Variants in LRRC4C observed in about 807,000 individuals in gnomAD.
The protein encoded by LRRC4C is leucine rich repeat containing 4C.
A neutral mutation model predicts 33.6 loss-of-function variants in LRRC4C; 5 were observed. That is an observed-to-expected ratio of 0.15 (90% CI 0.08 to 0.31). The LOEUF (loss-of-function observed/expected upper bound fraction) is 0.31. LRRC4C is among the 10% of genes least tolerant of loss of function. The pLI, the probability that LRRC4C is intolerant of heterozygous loss-of-function variation, is 1.00. For missense variants in LRRC4C, 560 were observed against 796.7 expected, an observed-to-expected ratio of 0.70 and a Z score of 3.58; for synonymous variants, 329 against 302.0, an observed-to-expected ratio of 1.09 and a Z score of -0.93.
chr11:41,174,178 T>C (rs908383486), intron 1 of LRRC4C, among the ~76,000 whole-genome samples: 3 of 152,112 alleles, frequency 2.0e-5, no homozygotes, highest in Non-Finnish European at 2.9e-5. Flanking sequence ...AGCATCATAA[T>C]TGAACTCATT....
At chr11:40,822,373 T>C (rs1272003306) in intron 2 of LRRC4C, among the ~76,000 whole-genome samples, 1 of 151,618 alleles carries the variant, frequency 6.6e-6, no homozygotes, top group Non-Finnish European at 1.5e-5. Context: ...AGTATTCCAT[T>C]ATATGTATAA....
At chr11:40,183,385 T>C (rs747175635) in intron 5 of LRRC4C, among the ~76,000 whole-genome samples, 1 of 152,194 alleles carries the variant, frequency 6.6e-6, no homozygotes, top group African/African-American at 2.4e-5. Flanking sequence ...AAACGTTTGT[T>C]GTTGTTTTCT....
intron 3 of LRRC4C, among the ~76,000 whole-genome samples, chr11:40,364,581 G>C (rs1262170938): frequency 6.6e-6 from 1 of 152,054 alleles, no homozygotes; most frequent in Admixed American, 6.6e-5. Flanking sequence ...TTAGCAATGA[G>C]ATGGCTTAAA....
chr11:41,333,309 C>T (rs947537422), intron 1 of LRRC4C, among the ~76,000 whole-genome samples: 8 of 152,160 alleles, frequency 5.3e-5, no homozygotes, highest in African/African-American at 1.2e-4. Flanking sequence ...CTTAATCATA[C>T]TGCATACTCA....
chr11:41,318,602 T>C (rs1950863974), intron 1 of LRRC4C, among the ~76,000 whole-genome samples: 1 of 152,242 alleles, frequency 6.6e-6, no homozygotes, highest in Non-Finnish European at 1.5e-5. Context: ...ACTTTTGCTC[T>C]GAGGTGCATA....
intron 2 of LRRC4C, among the ~76,000 whole-genome samples, chr11:40,703,601 T>C (rs1436364379): frequency 6.6e-6 from 1 of 151,986 alleles, no homozygotes; most frequent in Non-Finnish European, 1.5e-5. Flanking sequence ...CTTACACACT[T>C]GGAGAATGAT....
At chr11:40,524,044 G>A (rs1955936090) in intron 3 of LRRC4C, among the ~76,000 whole-genome samples, 1 of 152,138 alleles carries the variant, frequency 6.6e-6, no homozygotes, top group Non-Finnish European at 1.5e-5. Flanking sequence ...AATCTAATGT[G>A]TCTGTTTCTT....
chr11:40,827,384 G>A (rs911118299), intron 2 of LRRC4C, among the ~76,000 whole-genome samples: 3 of 151,784 alleles, frequency 2.0e-5, no homozygotes, highest in Admixed American at 1.3e-4. Context: ...ATACACATTT[G>A]TGAAAATCAT....
At chr11:41,225,898 ACCT>A (rs1399675096) in intron 1 of LRRC4C, among the ~76,000 whole-genome samples, 1 of 151,776 alleles carries the variant, frequency 6.6e-6, no homozygotes, top group Non-Finnish European at 1.5e-5. Context: ...TGGAAGTCAA[ACCT>A]CAGTCCATGC....
chr11:41,214,410 T>C (rs1012209340), intron 1 of LRRC4C, among the ~76,000 whole-genome samples: 1 of 151,470 alleles, frequency 6.6e-6, no homozygotes, highest in African/African-American at 2.4e-5. Context: ...AGAAAAAACG[T>C]ATAACAATGG....
chr11:40,352,812 G>C lies in LRRC4C; in HGVS notation c.-269-33091C>G, dbSNP rs79906581. On this transcript the variant is annotated intron_variant, in intron 3 of 6. Coordinates refer to ENST00000528697, the MANE Select transcript of LRRC4C (RefSeq NM_001258419.2). ...GCTCTTGTTTGCCTGAGAAAATATA[G>C]CTACTTCATATCTGAGGGATATTTT... Among the ~76,000 whole-genome samples, 639 of 152,150 alleles carry C rather than the reference G, an allele frequency of 4.2e-3. 2 individuals carry two copies. The highest frequency in any genetic ancestry group is 0.014 in the African/African-American group (596 of 41,520).
At chr11:41,399,531 G>T (rs1953947825) in intron 1 of LRRC4C, among the ~76,000 whole-genome samples, 1 of 152,064 alleles carries the variant, frequency 6.6e-6, no homozygotes, top group African/African-American at 2.4e-5. Context: ...ATGCCTCAGA[G>T]GTACTGTAGG....
intron 1 of LRRC4C, among the ~76,000 whole-genome samples, chr11:41,312,548 G>A (rs1228557763): frequency 6.6e-6 from 1 of 152,166 alleles, no homozygotes; most frequent in Non-Finnish European, 1.5e-5. Flanking sequence ...CATATGAATT[G>A]ATGAGATTAG....
chr11:41,387,929 T>C (rs1042762692), intron 1 of LRRC4C, among the ~76,000 whole-genome samples: 1 of 151,848 alleles, frequency 6.6e-6, no homozygotes, highest in African/African-American at 2.4e-5. Flanking sequence ...ATTTAGTTCA[T>C]TCTCACAATC....
intron 2 of LRRC4C, among the ~76,000 whole-genome samples, chr11:40,914,023 A>G (rs1224016922): frequency 6.6e-6 from 1 of 152,154 alleles, no homozygotes; most frequent in East Asian, 1.9e-4. Flanking sequence ...CTGATTGACC[A>G]AAAACAGGCT....
At chr11:41,248,979 C>A (rs1234796906) in intron 1 of LRRC4C, among the ~76,000 whole-genome samples, 2 of 151,738 alleles carry the variant, frequency 1.3e-5, no homozygotes, top group Non-Finnish European at 2.9e-5. Context: ...AAAATATACT[C>A]TGAATTTGCC....
At chr11:41,377,022 G>A (rs1363783691) in intron 1 of LRRC4C, among the ~76,000 whole-genome samples, 1 of 152,018 alleles carries the variant, frequency 6.6e-6, no homozygotes, top group African/African-American at 2.4e-5. Flanking sequence ...TCTGAAGTCT[G>A]AACTAAATAT....
At chr11:40,618,346 A>C (rs1416299623) in intron 3 of LRRC4C, among the ~76,000 whole-genome samples, 1 of 151,634 alleles carries the variant, frequency 6.6e-6, no homozygotes, top group East Asian at 1.9e-4. Context: ...GATTGCTGGC[A>C]ACCACCAGAA....
chr11:40,971,580 G>T (rs1291623411), intron 1 of LRRC4C, among the ~76,000 whole-genome samples: 3 of 152,186 alleles, frequency 2.0e-5, no homozygotes, highest in Non-Finnish European at 2.9e-5. Flanking sequence ...AGCACAGATG[G>T]AAAATATGGG....
Sources: gnomAD v4.1 joint callset for allele counts (sites outside exome capture counted in the v4.1 genomes callset) on GRCh38, gnomAD v4.1.1 for gene constraint, MANE v1.5 for transcripts, NCBI Gene and HGNC (gene_info 2026-07-23, HGNC 2026-07-21) for gene names.